PADI2: variants seen among roughly 807,000 people sequenced by gnomAD.
The protein encoded by PADI2 is peptidyl arginine deiminase 2.
In PADI2, 70 loss-of-function variants were observed where a neutral mutation model predicts 81.1. That is an observed-to-expected ratio of 0.86 (90% confidence interval 0.71 to 1.05). The LOEUF is 1.05. Among genes scored for constraint, PADI2 ranks in the 50% least tolerant of loss-of-function variants. PADI2 has a pLI of 0.00. For missense variants in PADI2, 853 were observed against 889.9 expected (o/e 0.96, Z 0.53); for synonymous variants, 338 against 358.0 (o/e 0.94, Z 0.63).
chr1:17,071,476 C>T lies in PADI2; in HGVS notation c.1565G>A (p.Ser522Asn). The change falls in exon 14 of 16, where the codon AGC (serine) becomes AAC (asparagine). Residue 522 changes from serine (S) to asparagine (N), a missense_variant. Coordinates refer to ENST00000375486, the MANE Select transcript of PADI2 (RefSeq NM_007365.3). ...CTTGTTGATGGTGATTCGCTTGCTG[C>T]TCATCCCACCCAAGCCTGTGGGGTT... ...AIMFKGLGGM[S>N]SKRITINKIL... is the part of the protein sequence containing the mutation. The T allele has an allele frequency of 1.2e-6, 2 of 1,613,956 alleles. No homozygotes were observed. The highest frequency in any genetic ancestry group is 1.7e-6 in the Non-Finnish European group (2 of 1,179,810).
intron 6 of PADI2, among the ~76,000 whole-genome samples, chr1:17,090,225 C>A (rs947783097): frequency 6.6e-5 from 10 of 152,260 alleles, no homozygotes; most frequent in Non-Finnish European, 1.3e-4. Flanking sequence ...AGGCCAGCTA[C>A]TGCACTCAGT....
At chr1:17,105,134 C>A (rs1205754373) in intron 1 of PADI2, 73 bp from the exon 2 acceptor site, 10 of 1,103,140 alleles carry the variant, frequency 9.1e-6, no homozygotes, top group Non-Finnish European at 1.2e-5. Context: ...AGAGGAGACT[C>A]CTGCTTCCAG....
chr1:17,092,300 C>T, intron 6 of PADI2, 108 bp downstream of exon 6: 1 of 865,568 alleles, frequency 1.2e-6, no homozygotes, highest in Non-Finnish European at 1.8e-6. Context: ...ACTCAGAGAC[C>T]AATCCAGGTC....
At chr1:17,075,011 A>T in intron 12 of PADI2, 62 bp from the exon 13 acceptor site, 2 of 1,095,806 alleles carry the variant, frequency 1.8e-6, no homozygotes, top group Non-Finnish European at 2.8e-6. Flanking sequence ...GAGCACGGGG[A>T]GGCCCTGCGC....
At position 17,083,813 on chromosome 1, in the gene PADI2, C is replaced by T; in HGVS notation, c.963G>A (p.Leu321=). 1.9e-6 allele frequency: 3 copies of T among 1,611,730 alleles called. No homozygotes were observed. The highest frequency in any genetic ancestry group is 1.7e-6 in the Non-Finnish European group (2 of 1,177,814). ...TCTCCACAAGGTTCTTCACCTCTTT[C>T]AGGAACAGGTAATTATCCTTCATGC... ...VCCMKDNYLF[L]KEVKNLVEKT... The change falls in exon 9 of 16, where the codon CTG becomes CTA. Residue 321 remains leucine, a synonymous_variant. Transcript: ENST00000375486.
At chr1:17,112,988 T>C (rs1931636143) in intron 1 of PADI2, among the ~76,000 whole-genome samples, 1 of 152,196 alleles carries the variant, frequency 6.6e-6, no homozygotes, top group Non-Finnish European at 1.5e-5. Context: ...GAGTGGCATG[T>C]TCTTGGTCTC....
chr1:17,091,045 C>T (rs1249105037), intron 6 of PADI2, among the ~76,000 whole-genome samples: 1 of 151,904 alleles, frequency 6.6e-6, no homozygotes, highest in East Asian at 1.9e-4. Flanking sequence ...ATCTCCGGCC[C>T]CCTGCGGCAG....
At chr1:17,109,502 T>A (rs1931501159) in intron 1 of PADI2, among the ~76,000 whole-genome samples, 1 of 151,760 alleles carries the variant, frequency 6.6e-6, no homozygotes, top group Non-Finnish European at 1.5e-5. Flanking sequence ...ATTTATTTAT[T>A]TTCTTAAACT....
intron 1 of PADI2, among the ~76,000 whole-genome samples, chr1:17,109,194 G>A (rs1308578051): frequency 6.6e-6 from 1 of 151,958 alleles, no homozygotes; most frequent in Non-Finnish European, 1.5e-5. Context: ...AGACCAGCCT[G>A]GCCAACATGG....
At chr1:17,100,049 G>C (rs1230751587) in intron 3 of PADI2, among the ~76,000 whole-genome samples, 2 of 151,918 alleles carry the variant, frequency 1.3e-5, no homozygotes, top group Non-Finnish European at 2.9e-5. Flanking sequence ...TGGGGTTGGG[G>C]GGGGGCTTGC....
intron 1 of PADI2, among the ~76,000 whole-genome samples, chr1:17,118,314 C>G (rs998614797): frequency 2.0e-5 from 3 of 152,174 alleles, no homozygotes; most frequent in Admixed American, 1.3e-4. Flanking sequence ...GCCCCCAGCA[C>G]TGACCCCTCC....
chr1:17,113,240 CTGAG>C (rs985658400), intron 1 of PADI2, among the ~76,000 whole-genome samples: 2 of 138,594 alleles, frequency 1.4e-5, no homozygotes, highest in African/African-American at 2.8e-5. Flanking sequence ...TAACAACTTA[CTGAG>C]TATTTACTAT....
intron 1 of PADI2, among the ~76,000 whole-genome samples, chr1:17,110,855 C>CTTGTTTGT (rs138703779): frequency 5.7e-4 from 87 of 152,154 alleles, no homozygotes; most frequent in African/African-American, 2.0e-3. Context: ...ATTGGATCTT[C>CTTGTTTGT]TTGTTTGTTT....
chr1:17,099,533 T>C (rs1931066098), intron 3 of PADI2, among the ~76,000 whole-genome samples: 1 of 152,162 alleles, frequency 6.6e-6, no homozygotes, highest in Admixed American at 6.5e-5. Flanking sequence ...AAGTGAGTCC[T>C]AGTGGGGGTG....
At chr1:17,098,109 A>T (rs1177260223) in intron 3 of PADI2, among the ~76,000 whole-genome samples, 1 of 152,142 alleles carries the variant, frequency 6.6e-6, no homozygotes, top group East Asian at 1.9e-4. Flanking sequence ...AGTTCCCAGA[A>T]CGCAGAGCCA....
intron 13 of PADI2, among the ~76,000 whole-genome samples, chr1:17,073,915 G>A (rs1042675678): frequency 2.0e-5 from 3 of 152,106 alleles, no homozygotes; most frequent in African/African-American, 7.2e-5. Flanking sequence ...ATGTCTAAAC[G>A]TAGAAGATAA....
chr1:17,105,477 C>A (rs1931338925), intron 1 of PADI2, among the ~76,000 whole-genome samples: 1 of 152,000 alleles, frequency 6.6e-6, no homozygotes, highest in African/African-American at 2.4e-5. Context: ...CTCACTGCAA[C>A]CTCTGCCTCC....
intron 3 of PADI2, among the ~76,000 whole-genome samples, chr1:17,100,008 C>A (rs1931084236): frequency 6.6e-6 from 1 of 150,946 alleles, no homozygotes; most frequent in South Asian, 2.1e-4. Flanking sequence ...CATTTTTGTG[C>A]CCAGGGGACA....
At chr1:17,105,346 T>A (rs1338441694) in intron 1 of PADI2, among the ~76,000 whole-genome samples, 1 of 152,084 alleles carries the variant, frequency 6.6e-6, no homozygotes, top group Non-Finnish European at 1.5e-5. Context: ...GCTATGATTG[T>A]GCCACTGCAC....
Sources: allele counts gnomAD v4.1 joint callset (sites outside exome capture counted in the v4.1 genomes callset), GRCh38; gene constraint gnomAD v4.1.1; transcripts MANE v1.5; gene names NCBI Gene and HGNC (gene_info 2026-07-23, HGNC 2026-07-21).